The following FMR1 variants were observed in gnomAD, a reference collection of about 807,000 sequenced individuals.
FMR1 encodes the protein FMRP translational regulator 1.
Under a neutral mutation model 50.6 loss-of-function variants are expected in FMR1, and 13 were observed. That is an observed-to-expected ratio of 0.26 (90% confidence interval 0.17 to 0.41). The LOEUF (loss-of-function observed/expected upper bound fraction) is 0.41. FMR1 is among the 10% of genes least tolerant of loss of function. The pLI is 1.00. For missense variants in FMR1, 316 were observed against 491.3 expected, an observed-to-expected ratio of 0.64 and a Z score of 3.37; for synonymous variants, 138 against 164.1, an observed-to-expected ratio of 0.84 and a Z score of 1.22.
At chrX:147,923,263 G>C (rs1248950631) in intron 2 of FMR1, among the ~76,000 whole-genome samples, 1 of 111,852 alleles carries the variant, frequency 8.9e-6, no homozygotes, top group Non-Finnish European at 1.9e-5. Flanking sequence ...CAAAATACAA[G>C]TTTGAATAGT....
Position 147,937,567 on chromosome X carries a change from T to C in FMR1, c.1092T>C (p.His364=), listed in dbSNP as rs782591089. The C allele has an allele frequency of 3.5e-5, 39 of 1,100,113 alleles. No individual in the cohort carries two copies. The highest frequency in any genetic ancestry group is 8.8e-5 in the Admixed American group (4 of 45,541). The allele number at this position is 1,100,113 out of a possible 1,213,427, so 90.7% of individuals were successfully genotyped here. A position where few individuals can be genotyped will look rare whatever the true frequency, so the allele number is the denominator to read the frequency against. ...TAGATATAAAGGAAAACAGCACCCA[T>C]TTTTCTCAACCTAACAGTACAAAAG... ...KHLDIKENST[H]FSQPNSTKVQ... Residue 364 remains histidine, a synonymous_variant, in exon 11 of 17, where the codon CAT becomes CAC. Transcript: ENST00000370475.
At position 147,932,409 on chromosome X, in the gene FMR1, G is replaced by A. The variant is rs1455215210; in HGVS notation, c.631-16G>A. 3 of 1,204,076 alleles carry A rather than the reference G, an allele frequency of 2.5e-6. No individual in the cohort carries two copies. Among genetic ancestry groups the A allele is most frequent in the South Asian group, 1.8e-5 (1 of 56,808 alleles). On this transcript the variant is annotated splice_polypyrimidine_tract_variant and intron_variant, in intron 7 of 16. Transcript: ENST00000370475. ...AGTTGATAAAGTGTATTCATCAGAC[G>A]TCCATTTCTCTTCAGAGTTCAAGGC...
intron 2 of FMR1, among the ~76,000 whole-genome samples, 156 bp from the exon 3 acceptor site, chrX:147,925,384 T>C (rs1484412316): frequency 2.7e-5 from 3 of 112,166 alleles, no homozygotes; most frequent in African/African-American, 9.7e-5. Context: ...ATTGCCGTTA[T>C]GTCCCACTCA....
chrX:147,938,469 T>C (rs1258965049), intron 12 of FMR1, among the ~76,000 whole-genome samples: 1 of 111,999 alleles, frequency 8.9e-6, no homozygotes, highest in Non-Finnish European at 1.9e-5. Flanking sequence ...TCTAGACATA[T>C]GTACAGGTTT....
At chrX:147,932,120 T>C (rs2043629029) in intron 7 of FMR1, among the ~76,000 whole-genome samples, 2 of 111,916 alleles carry the variant, frequency 1.8e-5, no homozygotes, top group Admixed American at 1.9e-4. Flanking sequence ...TTCTTAGTTA[T>C]TATATTGCTG....
chrX:147,931,493 A>G (rs2043605810), intron 7 of FMR1, among the ~76,000 whole-genome samples: 1 of 112,187 alleles, frequency 8.9e-6, no homozygotes, highest in South Asian at 3.6e-4. Flanking sequence ...CTGTTGAACA[A>G]TGAGAAACTA....
chrX:147,913,948 A>C (rs1380764907), intron 1 of FMR1: 1 of 111,898 alleles, frequency 8.9e-6, no homozygotes, highest in Non-Finnish European at 1.9e-5. Flanking sequence ...TGTGATATAA[A>C]CTTAGATTGG....
At chrX:147,926,144 C>G (rs1295672828) in intron 3 of FMR1, among the ~76,000 whole-genome samples, 1 of 112,034 alleles carries the variant, frequency 8.9e-6, no homozygotes, top group Non-Finnish European at 1.9e-5. Context: ...GAACTACCTG[C>G]TTATCTCCCG....
chrX:147,921,447 A>G (rs1557176422), intron 1 of FMR1, among the ~76,000 whole-genome samples: 1 of 109,852 alleles, frequency 9.1e-6, no homozygotes, highest in Non-Finnish European at 1.9e-5. Context: ...AAAGTTTAGT[A>G]TATTTGTGTG....
intron 5 of FMR1, 150 bp downstream of exon 5, chrX:147,928,957 A>G: frequency 1.8e-6 from 1 of 564,811 alleles, no homozygotes; most frequent in Admixed American, 3.3e-5. Context: ...TGCAAGAGCA[A>G]TGGAGAAAAA....
chrX:147,917,663 AC>A (rs1328883821), intron 1 of FMR1, among the ~76,000 whole-genome samples: 1 of 110,743 alleles, frequency 9.0e-6, no homozygotes, highest in East Asian at 2.8e-4. Flanking sequence ...AAATGCAAAA[AC>A]ATTTATGATT....
intron 5 of FMR1, 88 bp downstream of exon 5, chrX:147,928,895 C>G: frequency 1.0e-6 from 1 of 984,967 alleles, no homozygotes; most frequent in South Asian, 2.1e-5. Context: ...ATTTTTTAAA[C>G]TACTAGAAAT....
intron 9 of FMR1, among the ~76,000 whole-genome samples, 155 bp downstream of exon 9, chrX:147,932,918 TAA>T (rs2043654449): frequency 9.0e-6 from 1 of 111,259 alleles, no homozygotes; most frequent in South Asian, 3.8e-4. Flanking sequence ...TTTTATTATT[TAA>T]GTTTTAGGGT....
chrX:147,944,998 G>A lies in FMR1; in HGVS notation c.1601G>A (p.Arg534His), dbSNP rs781893340. 6 of 1,200,363 alleles carry A rather than the reference G, an allele frequency of 5.0e-6. No individual in the cohort carries two copies. Among genetic ancestry groups the A allele is most frequent in the South Asian group, 3.6e-5 (2 of 55,560 alleles). The change falls in exon 15 of 17, where the codon CGT becomes CAT. Residue 534 changes from arginine to histidine, a missense_variant. Transcript: ENST00000370475. The stretch of plus-strand genomic sequence containing the variant: ...CTGCGCAGAGGAGACGGACGGCGGC[G>A]TGGAGGGGGAGGAAGAGGACAAGGA... ...SFLRRGDGRR[R>H]GGGGRGQGGR...
At position 147,949,898 on chromosome X, in the gene FMR1, C is replaced by T. The variant is rs1557183168; in HGVS notation, c.*1054C>T. On this transcript the variant is annotated 3_prime_UTR_variant, in exon 17 of 17. Transcript: ENST00000370475. The stretch of plus-strand genomic sequence containing the variant: ...TTTCCATGTATGCATAATAATCCTG[C>T]AAAGTACAGGTACTTTGTCTAAGAA... The T allele has an allele frequency of 3.1e-6, 1 of 324,568 alleles. No individual in the cohort carries two copies. Among genetic ancestry groups the T allele is most frequent in the African/African-American group, 2.7e-5 (1 of 37,208 alleles). 26.7% of individuals were successfully genotyped at this position (324,568 alleles called of 1,213,427 possible).
At chrX:147,928,881 T>A in intron 5 of FMR1, 74 bp downstream of exon 5, 1 of 1,048,175 alleles carries the variant, frequency 9.5e-7, no homozygotes, top group Non-Finnish European at 1.3e-6. Flanking sequence ...TCTAGTAGTT[T>A]AAAATTTTTT....
chrX:147,932,340 G>T (rs782430658), intron 7 of FMR1, 85 bp from the exon 8 acceptor site: 2 of 902,290 alleles, frequency 2.2e-6, no homozygotes, highest in Non-Finnish European at 3.3e-6. Flanking sequence ...CATATACAGG[G>T]TCAAGATAAT....
intron 12 of FMR1, chrX:147,940,366 A>C (rs1382470165): frequency 1.7e-5 from 7 of 403,882 alleles, no homozygotes; most frequent in Admixed American, 4.2e-5. Context: ...ATACGTTTAA[A>C]AGGTTGCTAT....
chrX:147,921,283 TTG>T (rs2043150402), intron 1 of FMR1, among the ~76,000 whole-genome samples: 1 of 111,463 alleles, frequency 9.0e-6, no homozygotes, highest in African/African-American at 3.3e-5. Context: ...TTGTCTGTCT[TTG>T]TGTAGATTAC....
Sources: allele counts gnomAD v4.1 joint callset (sites outside exome capture counted in the v4.1 genomes callset), GRCh38; gene constraint gnomAD v4.1.1; transcripts MANE v1.5; gene names NCBI Gene and HGNC (gene_info 2026-07-23, HGNC 2026-07-21).